The following LIMCH1 variants were observed in gnomAD, a reference collection of about 807,000 sequenced individuals.
LIMCH1 encodes the protein LIM and calponin homology domains 1.
A neutral mutation model predicts 176.5 loss-of-function variants in LIMCH1; 113 were observed. That is an observed-to-expected ratio of 0.64 (90% CI 0.55 to 0.75). LIMCH1 has a LOEUF of 0.75. LIMCH1 is among the 30% of genes least tolerant of loss of function. The probability of loss-of-function intolerance (pLI) is 0.00; values close to 1 mark genes in which losing one functional copy is unlikely to be tolerated. For synonymous variants in LIMCH1, 619 were observed against 645.9 expected (o/e 0.96, Z 0.63); for missense variants, 1,674 against 1,814.9 (o/e 0.92, Z 1.41).
chr4:41,540,603 G>A (rs907764255), intron 1 of LIMCH1, among the ~76,000 whole-genome samples: 1 of 152,262 alleles, frequency 6.6e-6, no homozygotes, highest in African/African-American at 2.4e-5. Flanking sequence ...GCCGGGTGTG[G>A]TGATGGGCAC....
intron 1 of LIMCH1, among the ~76,000 whole-genome samples, chr4:41,466,701 G>A (rs368720890): frequency 1.1e-4 from 16 of 152,110 alleles, no homozygotes; most frequent in Non-Finnish European, 2.2e-4. Flanking sequence ...ACATATTTTC[G>A]GAATATACCT....
chr4:41,645,082 TTCCACAGACGAA>T (rs2094002806), intron 15 of LIMCH1, among the ~76,000 whole-genome samples: 1 of 152,218 alleles, frequency 6.6e-6, no homozygotes, highest in South Asian at 2.1e-4. Context: ...TTGTCCTCGA[TTCCACAGACGAA>T]TCCCAGCACA....
chr4:41,432,009 C>T lies in LIMCH1; in HGVS notation c.97-62527C>T, dbSNP rs548829069. Among the ~76,000 whole-genome samples the T allele has an allele frequency of 2.6e-5, 4 of 152,310 alleles. No individual in the cohort carries two copies. In the South Asian group the frequency reaches 6.2e-4, roughly 24 times the overall value. On this transcript the variant is annotated intron_variant, in intron 1 of 26. Transcript: ENST00000313860. ...TCTCCACTCTGTAAGGCAGCTATGA[C>T]TATTACTTGCACATTGCAGGTGAAG...
intron 1 of LIMCH1, among the ~76,000 whole-genome samples, chr4:41,569,059 G>A (rs1436689713): frequency 6.6e-6 from 1 of 152,124 alleles, no homozygotes; most frequent in African/African-American, 2.4e-5. Context: ...CCAACTGAGG[G>A]AAACTGATAA....
chr4:41,512,925 AAC>A (rs1361330091), intron 2 of LIMCH1, among the ~76,000 whole-genome samples: 1 of 152,204 alleles, frequency 6.6e-6, no homozygotes, highest in Non-Finnish European at 1.5e-5. Context: ...TTAAAACACA[AAC>A]ACATACACAC....
At chr4:41,464,023 G>A (rs2154154542) in intron 1 of LIMCH1, among the ~76,000 whole-genome samples, 1 of 151,948 alleles carries the variant, frequency 6.6e-6, no homozygotes, top group African/African-American at 2.4e-5. Flanking sequence ...TCTTTACAGT[G>A]GCATCTTTTT....
In LIMCH1 at chr4:41,372,340, A is replaced by G. The variant is rs192330504; in HGVS notation, c.96+11404A>G. Among the ~76,000 whole-genome samples, 35 of 152,304 alleles carry G rather than the reference A, an allele frequency of 2.3e-4. No homozygotes were observed. The East Asian group carries it at 6.7e-3, about 29-fold the overall frequency. On this transcript the variant is annotated intron_variant, in intron 1 of 26. Transcript: ENST00000313860. ...GTTGAGTAGGGTTTGGGCCTTTTAC[A>G]TGAACTCTGTATTTTCCACAAGCCC...
chr4:41,445,020 CTTTT>C (rs11414585), intron 1 of LIMCH1, among the ~76,000 whole-genome samples: 2 of 128,494 alleles, frequency 1.6e-5, no homozygotes, highest in African/African-American at 2.9e-5. Flanking sequence ...TTTTCCCATT[CTTTT>C]TTTTTTTTTT....
In LIMCH1 at chr4:41,538,448, T is replaced by C. The variant is rs904967257; in HGVS notation, c.-241+98T>C. The C allele has an allele frequency of 3.2e-5, 22 of 695,072 alleles. No individual in the cohort carries two copies. In the Admixed American group the frequency reaches 6.9e-4, roughly 22 times the overall value. 43.1% of individuals were successfully genotyped at this position (695,072 alleles called of 1,614,324 possible). A position where few individuals can be genotyped will look rare whatever the true frequency, so the allele number is the denominator to read the frequency against. ...CTTTAATACTTGGTTTAAAAAAAAG[T>C]GACTTTTTATTCACTTATTAGTATG... On this transcript the variant is annotated intron_variant, in intron 1 of 31. Transcript: ENST00000503057.
chr4:41,631,390 AG>A lies in LIMCH1; in HGVS notation c.1515del (p.Ile506PhefsTer16). On this transcript the variant is annotated frameshift_variant, in exon 10 of 32. Coordinates refer to ENST00000503057, the MANE Select transcript of LIMCH1 (RefSeq NM_001330672.2). LOFTEE classifies it high-confidence loss of function. ...GAAGAAGTCATCTGTCATGGCAGCAAGATTCAAATGGACTCTGTGTCTCCTG... is the reference window on the plus strand; with the variant it reads ...GAAGAAGTCATCTGTCATGGCAGCAAATTCAAATGGACTCTGTGTCTCCTG... ...DEEEVICHGS[K>X]IQMDSVSPVS... 6.5e-7 allele frequency: 1 copy of A among 1,536,274 alleles called. No individual in the cohort carries two copies. The highest frequency in any genetic ancestry group is 1.2e-5 in the South Asian group (1 of 84,052).
intron 1 of LIMCH1, among the ~76,000 whole-genome samples, chr4:41,374,939 G>A (rs1422697099): frequency 6.6e-6 from 1 of 152,104 alleles, no homozygotes; most frequent in Non-Finnish European, 1.5e-5. Flanking sequence ...TGATCACCAG[G>A]GAAATAGATG....
chr4:41,371,166 A>G (rs2053900330), intron 1 of LIMCH1, among the ~76,000 whole-genome samples: 1 of 152,238 alleles, frequency 6.6e-6, no homozygotes. Context: ...CTAACCAAGC[A>G]GGTGACCTGC....
chr4:41,518,268 C>T (rs2075787797), intron 2 of LIMCH1, among the ~76,000 whole-genome samples: 1 of 152,132 alleles, frequency 6.6e-6, no homozygotes, highest in Admixed American at 6.5e-5. Flanking sequence ...TCATAAGGTA[C>T]CATTTTGTAG....
intron 10 of LIMCH1, 131 bp from the exon 11 acceptor site, chr4:41,632,618 C>T (rs2093383191): frequency 1.4e-6 from 1 of 724,038 alleles, no homozygotes. Context: ...ATCATCCTTA[C>T]TAACCAGCCT....
At chr4:41,500,601 C>T (rs924620066) in intron 2 of LIMCH1, among the ~76,000 whole-genome samples, 1 of 152,136 alleles carries the variant, frequency 6.6e-6, no homozygotes, top group Non-Finnish European at 1.5e-5. Context: ...TTTCTGTTTG[C>T]TTTTATATTA....
At chr4:41,434,054 A>AT (rs1431607653) in intron 1 of LIMCH1, among the ~76,000 whole-genome samples, 10 of 150,638 alleles carry the variant, frequency 6.6e-5, no homozygotes, top group African/African-American at 2.4e-4. Context: ...TCCAAGTGAC[A>AT]TAAGAGGACA....
intron 5 of LIMCH1, among the ~76,000 whole-genome samples, chr4:41,614,576 A>G (rs189260863): frequency 5.3e-5 from 8 of 152,348 alleles, no homozygotes; most frequent in Admixed American, 3.9e-4. Flanking sequence ...TTTTGTAGCT[A>G]AAAGATCCCT....
chr4:41,480,907 C>T (rs2068490229), intron 1 of LIMCH1, among the ~76,000 whole-genome samples: 1 of 152,184 alleles, frequency 6.6e-6, no homozygotes, highest in East Asian at 1.9e-4. Flanking sequence ...TTTGCTAAAG[C>T]CACTCGCATG....
At chr4:41,501,545 T>G (rs1264212793) in intron 2 of LIMCH1, among the ~76,000 whole-genome samples, 1 of 152,210 alleles carries the variant, frequency 6.6e-6, no homozygotes, top group Non-Finnish European at 1.5e-5. Context: ...ATTCCAGCCC[T>G]TCTTTTGTTT....
Sources: gnomAD v4.1 joint callset for allele counts (sites outside exome capture counted in the v4.1 genomes callset) on GRCh38, gnomAD v4.1.1 for gene constraint, MANE v1.5 for transcripts, NCBI Gene and HGNC (gene_info 2026-07-23, HGNC 2026-07-21) for gene names.